The following CARNMT1 variants were observed in gnomAD, a reference collection of about 807,000 sequenced individuals.
The protein encoded by CARNMT1 is carnosine N-methyltransferase 1.
Under a neutral mutation model 49.6 loss-of-function variants are expected in CARNMT1, and 28 were observed. The observed-to-expected ratio is 0.56, with a 90% confidence interval of 0.42 to 0.77. The LOEUF is 0.77. Ranked by LOEUF, CARNMT1 falls within the 30% of genes least tolerant of loss-of-function variation. CARNMT1 has a pLI of 0.00. For synonymous variants in CARNMT1, 178 were observed against 175.0 expected, an observed-to-expected ratio of 1.02 and a Z score of -0.13; for missense variants, 421 against 512.6, an observed-to-expected ratio of 0.82 and a Z score of 1.73.
rs148671450 is a variant in CARNMT1 at position 74,994,990 on chromosome 9, A to C, written c.1024+1457T>G. ...CAAACAGTATACTTATCAGGAGCCA[A>C]CTTTATGTGCTTCAGGTAGTTACAA... On this transcript the variant is annotated intron_variant, in intron 6 of 7. Coordinates refer to ENST00000376834, the MANE Select transcript of CARNMT1 (RefSeq NM_152420.3). 2.2e-3 allele frequency among the ~76,000 whole-genome samples: 337 copies of C among 152,286 alleles called. 2 individuals are homozygous for C. Among genetic ancestry groups the C allele is most frequent in the African/African-American group, 7.7e-3 (322 of 41,558 alleles).
chr9:75,011,554 G>A (rs1833691225), intron 3 of CARNMT1, among the ~76,000 whole-genome samples: 1 of 152,162 alleles, frequency 6.6e-6, no homozygotes, highest in Non-Finnish European at 1.5e-5. Context: ...TTTTAGTAGA[G>A]ATGAGGTCTC....
chr9:75,023,378 G>A (rs1822434733), intron 1 of CARNMT1, among the ~76,000 whole-genome samples: 2 of 152,080 alleles, frequency 1.3e-5, no homozygotes, highest in Non-Finnish European at 2.9e-5. Context: ...ATATTCCCAC[G>A]GGTGCCACTT....
At chr9:74,987,762 TTTA>T (rs1411695249) in intron 6 of CARNMT1, among the ~76,000 whole-genome samples, 1 of 152,088 alleles carries the variant, frequency 6.6e-6, no homozygotes, top group Non-Finnish European at 1.5e-5. Context: ...AAGGGTGAAT[TTTA>T]TTATATGTCA....
At chr9:75,016,165 A>G in intron 3 of CARNMT1, 103 bp downstream of exon 3, 2 of 833,982 alleles carry the variant, frequency 2.4e-6, no homozygotes, top group Non-Finnish European at 3.8e-6. Flanking sequence ...ACATACAGGC[A>G]CACAGCAACT....
At chr9:75,001,675 A>T (rs1041859577) in intron 3 of CARNMT1, among the ~76,000 whole-genome samples, 3 of 152,178 alleles carry the variant, frequency 2.0e-5, no homozygotes, top group African/African-American at 7.2e-5. Context: ...TTTTTCCCTA[A>T]ATCTTTGTTC....
chr9:74,991,545 G>T, intron 6 of CARNMT1: 1 of 152,154 alleles, frequency 6.6e-6, no homozygotes, highest in Non-Finnish European at 1.5e-5. Context: ...CTTCTTTTCT[G>T]CCCTACATTT....
intron 6 of CARNMT1, among the ~76,000 whole-genome samples, chr9:74,992,388 A>G (rs1315857365): frequency 6.6e-6 from 1 of 152,236 alleles, no homozygotes; most frequent in South Asian, 2.1e-4. Flanking sequence ...ATGTAGTTAC[A>G]TTTTAATTCT....
Position 75,028,070 on chromosome 9 carries a change from C to T in CARNMT1, c.172G>A (p.Glu58Lys). The T allele has an allele frequency of 1.3e-6, 2 of 1,578,176 alleles. No individual in the cohort carries two copies. The highest frequency in any genetic ancestry group is 4.9e-5 in the East Asian group (2 of 40,948). The change falls in exon 1 of 8, where the codon GAG (glutamate) becomes AAG (lysine). Residue 58 changes from glutamate (E) to lysine (K), a missense_variant. Transcript: ENST00000376834. ...AAATRSTEEE[E>K]ERLEREHFWK... ...AAGTGCTCACGCTCAAGCCTCTCCT[C>T]CTCCTCCTCGGTGCTGCGCGTGGCC...
At chr9:75,016,011 A>G (rs1833836190) in intron 3 of CARNMT1, 1 of 306,808 alleles carries the variant, frequency 3.3e-6, no homozygotes, top group Non-Finnish European at 6.0e-6. Context: ...AAAAAGATAC[A>G]CATCATTGAT....
chr9:74,989,045 T>C (rs935590612), intron 6 of CARNMT1, among the ~76,000 whole-genome samples: 3 of 152,248 alleles, frequency 2.0e-5, no homozygotes, highest in African/African-American at 4.8e-5. Flanking sequence ...AGCACATTTA[T>C]GTTTATTTAC....
At chr9:75,005,742 GGATTACAGGCGT>G (rs1322924630) in intron 3 of CARNMT1, among the ~76,000 whole-genome samples, 4 of 150,606 alleles carry the variant, frequency 2.7e-5, no homozygotes, top group Non-Finnish European at 5.9e-5. Flanking sequence ...CAAAGTGCTG[GGATTACAGGCGT>G]GAGCCACCGA....
In CARNMT1 at chr9:74,998,583, T is replaced by C. The variant is rs1325555344; in HGVS notation, c.910+15A>G. 11 of 1,528,974 alleles carry C rather than the reference T, an allele frequency of 7.2e-6. No homozygotes were observed. The highest frequency in any genetic ancestry group is 1.4e-5 in the African/African-American group (1 of 71,858). 94.7% of individuals were successfully genotyped at this position (1,528,974 alleles called of 1,614,324 possible). ...ATAAAGGACAAGACTTTTTAAACGC[T>C]TGATTTGGACTTACTGCATTCTGAA... On this transcript the variant is annotated intron_variant, in intron 5 of 7. Coordinates refer to ENST00000376834, the MANE Select transcript of CARNMT1 (RefSeq NM_152420.3).
intron 4 of CARNMT1, among the ~76,000 whole-genome samples, chr9:74,999,170 T>C (rs377681935): frequency 1.7e-3 from 253 of 152,244 alleles, no homozygotes; most frequent in Non-Finnish European, 2.7e-3. Context: ...CTAAAACTCA[T>C]ACTGCCATCC....
At chr9:75,016,942 AAATT>A (rs1833873628) in intron 2 of CARNMT1, 1 of 397,380 alleles carries the variant, frequency 2.5e-6, no homozygotes, top group Non-Finnish European at 4.4e-6. Context: ...TAAGCAAGGG[AAATT>A]AATTTCTAGC....
intron 2 of CARNMT1, 183 bp from the exon 3 acceptor site, chr9:75,016,614 C>CT: frequency 1.8e-6 from 1 of 567,774 alleles, no homozygotes; most frequent in Non-Finnish European, 3.1e-6. Context: ...GGTCTCACTG[C>CT]TACCCTCAAA....
Position 75,000,431 on chromosome 9 carries a change from A to G in CARNMT1, c.591-561T>C, listed in dbSNP as rs1433748318. On this transcript the variant is annotated intron_variant, in intron 3 of 7. Coordinates refer to ENST00000376834, the MANE Select transcript of CARNMT1 (RefSeq NM_152420.3). The stretch of plus-strand genomic sequence containing the variant: ...TGGGGAAAATGGGAAACGGCCCTCT[A>G]ATTAAACATACATGATAACAAATAT... Among the ~76,000 whole-genome samples the G allele has an allele frequency of 3.3e-5, 5 of 152,160 alleles. No individual in the cohort carries two copies. In the East Asian group the frequency reaches 9.6e-4, roughly 29 times the overall value.
chr9:74,986,728 T>C (rs1184056929), intron 6 of CARNMT1, among the ~76,000 whole-genome samples: 4 of 152,204 alleles, frequency 2.6e-5, no homozygotes, highest in Admixed American at 1.3e-4. Context: ...TAGCCGTGCT[T>C]CAAAACCTTG....
chr9:75,027,119 T>C (rs1434128722), intron 1 of CARNMT1: 2 of 1,304,132 alleles, frequency 1.5e-6, no homozygotes, highest in Non-Finnish European at 2.0e-6. Flanking sequence ...GGTGGACTCA[T>C]ATCTCTTACG....
At chr9:75,027,584 G>C (rs1033467510) in intron 1 of CARNMT1, 1 of 488,344 alleles carries the variant, frequency 2.0e-6, no homozygotes, top group African/African-American at 2.1e-5. Context: ...CATCCCACGC[G>C]TAGGTGAACT....
Sources: allele counts gnomAD v4.1 joint callset (sites outside exome capture counted in the v4.1 genomes callset), GRCh38; gene constraint gnomAD v4.1.1; transcripts MANE v1.5; gene names NCBI Gene and HGNC (gene_info 2026-07-23, HGNC 2026-07-21).